The following RHCE variants were observed in gnomAD, a reference collection of about 807,000 sequenced individuals.
The protein encoded by RHCE is Rh blood group CcEe antigens.
In RHCE, 22 loss-of-function variants were observed where a neutral mutation model predicts 43.8. That is an observed-to-expected ratio of 0.50 (90% CI 0.36 to 0.72). The LOEUF (loss-of-function observed/expected upper bound fraction) is 0.72. RHCE is among the 30% of genes least tolerant of loss of function. RHCE has a pLI of 0.00. For synonymous variants in RHCE, 156 were observed against 210.7 expected (o/e 0.74, Z 2.25); for missense variants, 385 against 525.4 (o/e 0.73, Z 2.61).
At chr1:25,418,799 G>A (rs1367968587) in intron 1 of RHCE, among the ~76,000 whole-genome samples, 4 of 152,136 alleles carry the variant, frequency 2.6e-5, no homozygotes, top group Non-Finnish European at 5.9e-5. Flanking sequence ...TGACACCATC[G>A]TCTCCCCTGC....
chr1:25,371,037 T>A (rs1391725933), intron 8 of RHCE, among the ~76,000 whole-genome samples: 1 of 149,092 alleles, frequency 6.7e-6, no homozygotes, highest in Non-Finnish European at 1.5e-5. Flanking sequence ...ATTATAGGCA[T>A]AAGCCACCAC....
chr1:25,425,184 T>A (rs2042796322), upstream of RHCE, among the ~76,000 whole-genome samples: 1 of 152,228 alleles, frequency 6.6e-6, no homozygotes, highest in Non-Finnish European at 1.5e-5. Context: ...GACTTTTGAC[T>A]GCTGTGGTTG....
rs994919233 is a variant in RHCE, at chr1:25,409,053, A to C, written c.149-184T>G. ...TCAACTGAATAATGGGGATAACATAACATGCCGTGTGGGGATAAGGTAAGG... is the reference window on the plus strand; with the variant it reads ...TCAACTGAATAATGGGGATAACATACCATGCCGTGTGGGGATAAGGTAAGG... On this transcript the variant is annotated intron_variant, in intron 1 of 9. Coordinates refer to ENST00000294413, the MANE Select transcript of RHCE (RefSeq NM_020485.8). 2.5e-4 allele frequency among the ~76,000 whole-genome samples: 31 copies of C among 123,594 alleles called. 10 individuals carry two copies. Among genetic ancestry groups the C allele is most frequent in the Admixed American group, 4.4e-4 (5 of 11,476 alleles). The allele number at this position is 123,594 out of a possible 152,430, so 81.1% of individuals were successfully genotyped here.
rs1337139293 is a variant in RHCE, at chr1:25,390,856, T to C, written c.694A>G (p.Ile232Val). Residue 232 changes from isoleucine (I) to valine (V), a missense_variant, in exon 5 of 10, where the codon ATC (isoleucine) becomes GTC (valine). Transcript: ENST00000294413. ...SVNSALLRSP[I>V]QRKNAMFNTY... ...TTGAACATGGCATTCTTCCTTTGGA[T>C]TGGACTTCTCAGCAGAGCAGAGTTG... The C allele has an allele frequency of 5.0e-6, 8 of 1,614,140 alleles. No individual in the cohort carries two copies. The Admixed American group carries it at 5.0e-5, about 10-fold the overall frequency.
At chr1:25,403,020 C>T (rs1369246712) in intron 2 of RHCE, among the ~76,000 whole-genome samples, 15 of 151,600 alleles carry the variant, frequency 9.9e-5, no homozygotes, top group East Asian at 7.8e-4. Context: ...CATTGATCTA[C>T]ACACACTCAT....
Position 25,402,701 on chromosome 1 carries a change from C to T in RHCE, c.381G>A (p.Ala127=), listed in dbSNP as rs762506423. The T allele has an allele frequency of 5.6e-6, 9 of 1,614,022 alleles. No individual in the cohort carries two copies. Among genetic ancestry groups the T allele is most frequent in the East Asian group, 2.2e-5 (1 of 44,900 alleles). The stretch of plus-strand genomic sequence containing the variant: ...AGTTGACCTTCCCCAAGACAGCACC[C>T]GCTGAGATCAGCACCGACATAGCAC... ...TMSAMSVLIS[A]GAVLGKVNLA... Residue 127 remains alanine, a synonymous_variant, in exon 3 of 10, where the codon GCG becomes GCA. Transcript: ENST00000294413.
intron 7 of RHCE, among the ~76,000 whole-genome samples, chr1:25,385,173 T>A (rs933840362): frequency 3.3e-5 from 5 of 152,174 alleles, no homozygotes; most frequent in Admixed American, 3.3e-4. Context: ...CACCTCACAG[T>A]GAGACCTCAG....
In RHCE at chr1:25,412,608, AG is replaced by A. The variant is rs1194986198; in HGVS notation, c.149-3740del. Among the ~76,000 whole-genome samples, 5 of 150,382 alleles carry A rather than the reference AG, an allele frequency of 3.3e-5. No homozygotes were observed. The South Asian group carries it at 6.4e-4, about 19-fold the overall frequency. On this transcript the variant is annotated intron_variant, in intron 1 of 9. Coordinates refer to ENST00000294413, the MANE Select transcript of RHCE (RefSeq NM_020485.8). The stretch of plus-strand genomic sequence containing the variant: ...GTGCCTGTAGTCCCAGCTACTCAGG[AG>A]GGTGAGGTGGGAGGATGGCTTGTGC...
intron 5 of RHCE, 68 bp from the exon 6 acceptor site, chr1:25,389,181 C>G: frequency 1.3e-6 from 2 of 1,509,506 alleles, no homozygotes; most frequent in South Asian, 1.1e-5. Flanking sequence ...CTGCAAGTGA[C>G]CAGCACGCTG....
At chr1:25,415,201 ACTGCCCCTGCCCAT>A (rs986260963) in intron 1 of RHCE, among the ~76,000 whole-genome samples, 7 of 152,004 alleles carry the variant, frequency 4.6e-5, no homozygotes, top group African/African-American at 1.7e-4. Context: ...AATCTCCTCC[ACTGCCCCTGCCCAT>A]CTGGTCTCAT....
intron 3 of RHCE, among the ~76,000 whole-genome samples, chr1:25,394,379 T>G (rs1646477508): frequency 6.6e-6 from 1 of 152,014 alleles, no homozygotes; most frequent in Non-Finnish European, 1.5e-5. Context: ...TCTGCCGCTG[T>G]TCTCAGGTAC....
chr1:25,429,884 A>G (rs1256027701), intron 1 of RHCE: 2 of 152,132 alleles, frequency 1.3e-5, no homozygotes, highest in Non-Finnish European at 2.9e-5. Context: ...TTACTTTGCC[A>G]TACGTACGTG....
At chr1:25,425,436 T>C (rs928499287), upstream of RHCE, among the ~76,000 whole-genome samples, 1 of 152,132 alleles carries the variant, frequency 6.6e-6, no homozygotes, top group African/African-American at 2.4e-5. Flanking sequence ...ACGGCAGAGG[T>C]GGGACCTAAC....
At chr1:25,393,393 G>A (rs1384082102) in intron 3 of RHCE, among the ~76,000 whole-genome samples, 1 of 152,134 alleles carries the variant, frequency 6.6e-6, no homozygotes, top group Non-Finnish European at 1.5e-5. Flanking sequence ...GGCTGAGGTG[G>A]GTGGATCACC....
chr1:25,401,979 C>G (rs574455513), intron 3 of RHCE, among the ~76,000 whole-genome samples: 1 of 152,226 alleles, frequency 6.6e-6, no homozygotes, highest in East Asian at 1.9e-4. Flanking sequence ...CGGGTTCAAG[C>G]GATTCTCTTG....
At chr1:25,420,467 G>A (rs568764736) in intron 1 of RHCE, among the ~76,000 whole-genome samples, 172 bp downstream of exon 1, 72 of 152,264 alleles carry the variant, frequency 4.7e-4, no homozygotes, top group African/African-American at 1.7e-3. Flanking sequence ...TGCTTCTAAA[G>A]GAAAGCTTAC....
chr1:25,393,784 C>T (rs1259924998), intron 3 of RHCE, among the ~76,000 whole-genome samples: 1 of 151,820 alleles, frequency 6.6e-6, no homozygotes, highest in Non-Finnish European at 1.5e-5. Context: ...TGCACTCCTC[C>T]ACTTGCTCAT....
At chr1:25,423,305 C>G (rs895799006), upstream of RHCE, among the ~76,000 whole-genome samples, 3 of 152,340 alleles carry the variant, frequency 2.0e-5, no homozygotes, top group South Asian at 4.1e-4. Context: ...GGGCCCAGTA[C>G]AAGCTCTGTA....
chr1:25,421,306 C>A (rs2042756815), upstream of RHCE, among the ~76,000 whole-genome samples: 1 of 152,112 alleles, frequency 6.6e-6, no homozygotes, highest in Non-Finnish European at 1.5e-5. Flanking sequence ...TGGAGCTGAG[C>A]CCTGGGGAGG....
Sources: allele counts gnomAD v4.1 joint callset (sites outside exome capture counted in the v4.1 genomes callset), GRCh38; gene constraint gnomAD v4.1.1; transcripts MANE v1.5; gene names NCBI Gene and HGNC (gene_info 2026-07-23, HGNC 2026-07-21).